COQ3: variants seen among roughly 807,000 people sequenced by gnomAD.
COQ3 encodes coenzyme Q3, methyltransferase.
COQ3 carries 29 observed loss-of-function variants against 33.1 expected under a neutral mutation model. That is an observed-to-expected ratio of 0.88 (90% CI 0.65 to 1.19). The LOEUF (loss-of-function observed/expected upper bound fraction) is 1.19, where lower values mean the gene tolerates loss of function less well. Among genes scored for constraint, COQ3 ranks in the 50% most tolerant of loss-of-function variants. The pLI is 0.00. For missense variants in COQ3, 437 were observed against 430.7 expected (o/e 1.01, Z -0.13); for synonymous variants, 173 against 157.8 (o/e 1.10, Z -0.72).
chr6:99,378,083 C>T (rs1021096301), intron 3 of COQ3, among the ~76,000 whole-genome samples: 1 of 132,624 alleles, frequency 7.5e-6, no homozygotes, highest in Non-Finnish European at 1.6e-5. Context: ...TATATATACA[C>T]CTAACAGTAT....
At chr6:99,382,927 T>C (rs1774512525) in intron 2 of COQ3, 1 of 150,048 alleles carries the variant, frequency 6.7e-6, no homozygotes, top group South Asian at 2.1e-4. Flanking sequence ...CACTCCAGCC[T>C]GGGCAACAAG....
At chr6:99,385,976 C>CAAAAAAAAAAAAAAAAAAAA (rs61403627) in intron 1 of COQ3, among the ~76,000 whole-genome samples, 1 of 97,744 alleles carries the variant, frequency 1.0e-5, no homozygotes, top group Non-Finnish European at 1.9e-5. Context: ...GACTCTGTCT[C>CAAAAAAAAAAAAAAAAAAAA]AAAAAAAAAA....
Position 99,375,931 on chromosome 6 carries a change from A to T in COQ3, c.729+9T>A, listed in dbSNP as rs1774268142. 2 of 1,613,564 alleles carry T rather than the reference A, an allele frequency of 1.2e-6. No individual in the cohort carries two copies. The highest frequency in any genetic ancestry group is 1.7e-6 in the Non-Finnish European group (2 of 1,179,928). Reference sequence around the variant, plus strand: ...GAAGAAACCAAGATGTAAACTCCATAAGCCTTACTTTTAACACTTGACAGC... The same window carrying T: ...GAAGAAACCAAGATGTAAACTCCATTAGCCTTACTTTTAACACTTGACAGC... On this transcript the variant is annotated intron_variant, in intron 5 of 6. Coordinates refer to ENST00000254759, the MANE Select transcript of COQ3 (RefSeq NM_017421.4).
intron 1 of COQ3, among the ~76,000 whole-genome samples, chr6:99,393,800 C>T (rs1774893502): frequency 6.6e-6 from 1 of 152,252 alleles, no homozygotes; most frequent in Non-Finnish European, 1.5e-5. Context: ...GAGCGGGTCG[C>T]CGGCTCCTGG....
chr6:99,381,968 G>A (rs943366324), intron 2 of COQ3, among the ~76,000 whole-genome samples: 1 of 151,316 alleles, frequency 6.6e-6, no homozygotes, highest in Non-Finnish European at 1.5e-5. Context: ...CTCAAAACTG[G>A]GTCATGTTCC....
chr6:99,394,011 A>C, intron 1 of COQ3, 63 bp downstream of exon 1: 8 of 1,372,386 alleles, frequency 5.8e-6, no homozygotes, highest in African/African-American at 1.4e-5. Context: ...CCCCCGGCGC[A>C]TGCGCAGAGA....
intron 6 of COQ3, among the ~76,000 whole-genome samples, chr6:99,370,413 A>G (rs1774105621): frequency 7.2e-6 from 1 of 139,424 alleles, no homozygotes; most frequent in Non-Finnish European, 1.5e-5. Flanking sequence ...CAGTGGCACA[A>G]TCTTGACTCA....
chr6:99,384,848 C>A (rs567781204), intron 1 of COQ3, among the ~76,000 whole-genome samples: 1 of 152,264 alleles, frequency 6.6e-6, no homozygotes, highest in East Asian at 1.9e-4. Flanking sequence ...CAGTGGCTCA[C>A]GCTTGTAATC....
intron 3 of COQ3, 52 bp from the exon 4 acceptor site, chr6:99,377,537 G>T: frequency 7.6e-7 from 1 of 1,320,016 alleles, no homozygotes; most frequent in South Asian, 1.3e-5. Context: ...TTTTATCAAC[G>T]AAAAGTCACA....
chr6:99,373,614 C>T (rs1226006306), intron 5 of COQ3, among the ~76,000 whole-genome samples: 1 of 152,090 alleles, frequency 6.6e-6, no homozygotes, highest in East Asian at 1.9e-4. Context: ...CCTTCATACA[C>T]ACTGACATAT....
Position 99,385,203 on chromosome 6 carries a change from T to C in COQ3, c.107-1379A>G, listed in dbSNP as rs138406210. Among the ~76,000 whole-genome samples, 29 of 152,300 alleles carry C rather than the reference T, an allele frequency of 1.9e-4. No homozygotes were observed. The East Asian group carries it at 5.2e-3, about 27-fold the overall frequency. ...AAATAAACAAATCCACAATTGTAAG[T>C]TGGAGACTTCAACACTCTTCTCTCA... On this transcript the variant is annotated intron_variant, in intron 1 of 6. Coordinates refer to ENST00000254759, the MANE Select transcript of COQ3 (RefSeq NM_017421.4).
chr6:99,374,348 T>G (rs750836170), intron 5 of COQ3, among the ~76,000 whole-genome samples: 2 of 152,134 alleles, frequency 1.3e-5, no homozygotes, highest in Non-Finnish European at 2.9e-5. Context: ...GGCTGTCACC[T>G]GCAATTTTGT....
chr6:99,371,666 C>A, intron 5 of COQ3, 79 bp from the exon 6 acceptor site: 1 of 889,144 alleles, frequency 1.1e-6, no homozygotes, highest in Non-Finnish European at 1.7e-6. Flanking sequence ...TTCCCCCTCC[C>A]TCCTCCTTTC....
At chr6:99,391,007 C>G (rs909374206) in intron 1 of COQ3, among the ~76,000 whole-genome samples, 14 of 152,162 alleles carry the variant, frequency 9.2e-5, no homozygotes, top group African/African-American at 3.4e-4. Flanking sequence ...ATCAGCCCTT[C>G]ACAGTCCATC....
rs749317624 is a variant in COQ3, at chr6:99,369,840, G to T, written c.890-20C>A. The T allele has an allele frequency of 4.3e-5, 60 of 1,385,376 alleles. 1 individual carries two copies. In the Admixed American group the frequency reaches 1.1e-3, roughly 26 times the overall value. The allele number at this position is 1,385,376 out of a possible 1,614,324, so 85.8% of individuals were successfully genotyped here. A position where few individuals can be genotyped will look rare whatever the true frequency, so the allele number is the denominator to read the frequency against. On this transcript the variant is annotated intron_variant, in intron 6 of 6. Coordinates refer to ENST00000254759, the MANE Select transcript of COQ3 (RefSeq NM_017421.4). ...GACCATCTGAAAAAAAAAAAAATCA[G>T]AAAGAGTAGATTTAATAAATATTTT...
intron 1 of COQ3, among the ~76,000 whole-genome samples, chr6:99,386,574 G>A (rs1042627768): frequency 6.6e-6 from 1 of 152,122 alleles, no homozygotes; most frequent in Non-Finnish European, 1.5e-5. Flanking sequence ...GGCTGACAAA[G>A]AAAAGATGTA....
At chr6:99,385,070 C>T (rs1476714623) in intron 1 of COQ3, among the ~76,000 whole-genome samples, 1 of 152,190 alleles carries the variant, frequency 6.6e-6, no homozygotes, top group Non-Finnish European at 1.5e-5. Context: ...GAGATCAAGC[C>T]ACTGTACTCC....
At chr6:99,389,585 T>G (rs961477333) in intron 1 of COQ3, among the ~76,000 whole-genome samples, 1 of 152,334 alleles carries the variant, frequency 6.6e-6, no homozygotes, top group Admixed American at 6.5e-5. Flanking sequence ...CTACTAGATT[T>G]GTATGTAAGA....
At chr6:99,392,713 C>A (rs754070068) in intron 1 of COQ3, among the ~76,000 whole-genome samples, 1 of 151,862 alleles carries the variant, frequency 6.6e-6, no homozygotes, top group African/African-American at 2.4e-5. Context: ...GCAACCTCTG[C>A]CTCCCAGGTT....
Sources: gnomAD v4.1 joint callset for allele counts (sites outside exome capture counted in the v4.1 genomes callset) on GRCh38, gnomAD v4.1.1 for gene constraint, MANE v1.5 for transcripts, NCBI Gene and HGNC (gene_info 2026-07-23, HGNC 2026-07-21) for gene names.